The following NALF1 variants were observed in gnomAD, a reference collection of about 807,000 sequenced individuals.
The protein encoded by NALF1 is family with sequence similarity 155 member A.
A neutral mutation model predicts 48.4 loss-of-function variants in NALF1; 3 were observed. The observed-to-expected ratio is 0.06, with a 90% CI of 0.03 to 0.16. The LOEUF is 0.16. Among genes scored for constraint, NALF1 ranks in the 10% least tolerant of loss-of-function variants. The pLI, the probability that NALF1 is intolerant of heterozygous loss-of-function variation, is 1.00. For synonymous variants in NALF1, 262 were observed against 245.7 expected (o/e 1.07, Z -0.62); for missense variants, 526 against 571.5 (o/e 0.92, Z 0.81).
intron 1 of NALF1, among the ~76,000 whole-genome samples, chr13:107,373,368 A>G (rs78877105): frequency 0.028 from 4,249 of 152,296 alleles, 76 homozygotes; most frequent in South Asian, 0.041. Context: ...TAGACCCAAG[A>G]AAGGTGAAAG....
intron 1 of NALF1, among the ~76,000 whole-genome samples, chr13:107,698,359 C>T (rs1881743357): frequency 6.6e-6 from 1 of 152,086 alleles, no homozygotes; most frequent in Admixed American, 6.6e-5. Flanking sequence ...GCAATTTACA[C>T]ATCCAAGAGC....
At chr13:107,838,093 C>T (rs1248570360) in intron 1 of NALF1, among the ~76,000 whole-genome samples, 2 of 152,168 alleles carry the variant, frequency 1.3e-5, no homozygotes, top group Non-Finnish European at 2.9e-5. Flanking sequence ...ACAAGAAGTA[C>T]TTGTGAAGGA....
chr13:107,226,877 G>T (rs952995499), intron 1 of NALF1, among the ~76,000 whole-genome samples: 1 of 152,204 alleles, frequency 6.6e-6, no homozygotes, highest in African/African-American at 2.4e-5. Flanking sequence ...GTCCCTGACT[G>T]AAGTGAAGCC....
At chr13:107,276,168 T>C (rs1397871745) in intron 1 of NALF1, among the ~76,000 whole-genome samples, 1 of 152,092 alleles carries the variant, frequency 6.6e-6, no homozygotes, top group Non-Finnish European at 1.5e-5. Flanking sequence ...CAGCCCACAC[T>C]CAGTGGGAAG....
At chr13:107,231,549 T>A (rs944952171) in intron 1 of NALF1, among the ~76,000 whole-genome samples, 3 of 152,228 alleles carry the variant, frequency 2.0e-5, no homozygotes, top group Non-Finnish European at 4.4e-5. Flanking sequence ...CTATGTCCCA[T>A]ATTTTTCACC....
At chr13:107,648,160 C>T (rs367811111) in intron 1 of NALF1, among the ~76,000 whole-genome samples, 3 of 152,062 alleles carry the variant, frequency 2.0e-5, no homozygotes, top group Non-Finnish European at 4.4e-5. Context: ...TTGTTACAAC[C>T]GATGAATCAA....
At chr13:107,417,399 A>G (rs912452006) in intron 1 of NALF1, among the ~76,000 whole-genome samples, 3 of 149,852 alleles carry the variant, frequency 2.0e-5, no homozygotes, top group African/African-American at 4.8e-5. Context: ...AAAAGTAGGT[A>G]TCTATTATCT....
chr13:107,217,703 A>G (rs569453862), intron 1 of NALF1, among the ~76,000 whole-genome samples: 2 of 152,100 alleles, frequency 1.3e-5, no homozygotes, highest in Admixed American at 6.5e-5. Context: ...CAGCTCTTCA[A>G]TCACCACGCC....
At chr13:107,559,777 T>G (rs1877591084) in intron 1 of NALF1, among the ~76,000 whole-genome samples, 1 of 152,206 alleles carries the variant, frequency 6.6e-6, no homozygotes, top group South Asian at 2.1e-4. Context: ...AGTCCGAGTT[T>G]AAAAGTCCAT....
At chr13:107,288,219 CTTT>C (rs375800659) in intron 1 of NALF1, among the ~76,000 whole-genome samples, 4 of 125,142 alleles carry the variant, frequency 3.2e-5, no homozygotes, top group Admixed American at 8.4e-5. Context: ...GATCTGAAGA[CTTT>C]TTTTTTTTTT....
intron 1 of NALF1, among the ~76,000 whole-genome samples, chr13:107,376,351 T>A (rs1054504677): frequency 6.6e-6 from 1 of 152,196 alleles, no homozygotes; most frequent in African/African-American, 2.4e-5. Context: ...AAGAAGAATT[T>A]ACACGTTTCC....
chr13:107,704,848 GGA>G (rs1474440858), intron 1 of NALF1, among the ~76,000 whole-genome samples: 1 of 152,050 alleles, frequency 6.6e-6, no homozygotes, highest in Non-Finnish European at 1.5e-5. Context: ...GGTTACATTG[GGA>G]GAGAGTGTGG....
chr13:107,779,689 A>G (rs1047846499), intron 1 of NALF1, among the ~76,000 whole-genome samples: 1 of 152,150 alleles, frequency 6.6e-6, no homozygotes, highest in Non-Finnish European at 1.5e-5. Context: ...TCATACATTA[A>G]GCTGAGATCT....
chr13:107,645,680 C>CAAAAAAA (rs56187783), intron 1 of NALF1, among the ~76,000 whole-genome samples: 1 of 132,502 alleles, frequency 7.5e-6, no homozygotes, highest in African/African-American at 2.9e-5. Flanking sequence ...TACTGGGAGA[C>CAAAAAAA]AAAAAAAAAA....
intron 1 of NALF1, among the ~76,000 whole-genome samples, chr13:107,260,422 G>C (rs536031663): frequency 6.6e-6 from 1 of 152,336 alleles, no homozygotes; most frequent in African/African-American, 2.4e-5. Flanking sequence ...AGTCAGGTAA[G>C]ATTATTTGAT....
chr13:107,453,529 T>G (rs1453268685), intron 1 of NALF1, among the ~76,000 whole-genome samples: 4 of 152,190 alleles, frequency 2.6e-5, no homozygotes, highest in Non-Finnish European at 5.9e-5. Flanking sequence ...AAGGGGCCCC[T>G]AGGCCTGGCC....
chr13:107,361,611 A>G (rs1235415172), intron 1 of NALF1, among the ~76,000 whole-genome samples: 2 of 152,236 alleles, frequency 1.3e-5, no homozygotes, highest in Non-Finnish European at 2.9e-5. Flanking sequence ...AAAGTTTCCC[A>G]TCAGAAGATG....
At chr13:107,706,078 T>C (rs1881939503) in intron 1 of NALF1, among the ~76,000 whole-genome samples, 1 of 152,172 alleles carries the variant, frequency 6.6e-6, no homozygotes, top group Non-Finnish European at 1.5e-5. Context: ...ATAACTTAGA[T>C]ATCCGGATAA....
chr13:107,811,026 G>T (rs528896114), intron 1 of NALF1, among the ~76,000 whole-genome samples: 1 of 151,662 alleles, frequency 6.6e-6, no homozygotes, highest in African/African-American at 2.4e-5. Flanking sequence ...TATCAATAAC[G>T]CACAATTATA....
Sources: allele counts gnomAD v4.1 joint callset (sites outside exome capture counted in the v4.1 genomes callset), GRCh38; gene constraint gnomAD v4.1.1; transcripts MANE v1.5; gene names NCBI Gene and HGNC (gene_info 2026-07-23, HGNC 2026-07-21).